The following NLRP14 variants were observed in gnomAD, a reference collection of about 807,000 sequenced individuals.
NLRP14 encodes NLR family pyrin domain containing 14, also known as NACHT, LRR and PYD domains-containing protein 14.
A neutral mutation model predicts 94.7 loss-of-function variants in NLRP14; 105 were observed. The ratio of observed to expected loss-of-function variants is 1.11; its 90% CI spans 0.95 to 1.30. The LOEUF (loss-of-function observed/expected upper bound fraction) is 1.30, where lower values mean the gene tolerates loss of function less well. NLRP14 is among the 50% of genes most tolerant of loss of function. NLRP14 has a pLI of 0.00. For synonymous variants in NLRP14, 508 were observed against 459.9 expected (o/e 1.10, Z -1.34); for missense variants, 1,362 against 1,254.1 (o/e 1.09, Z -1.30).
In NLRP14 at chr11:7,057,825, A is replaced by G; in HGVS notation, c.2440A>G (p.Lys814Glu). 1 of 1,612,400 alleles carries G rather than the reference A, an allele frequency of 6.2e-7. No individual in the cohort carries two copies. Among genetic ancestry groups the G allele is most frequent in the Non-Finnish European group, 8.5e-7 (1 of 1,178,596 alleles). ...QLLCEALRHP[K>E]CYLERLSLES... is the part of the protein sequence containing the mutation. ...TTTGTGTGAGGCCTTAAGACATCCA[A>G]AGTGTTATCTAGAGAGACTGTCGTG... Residue 814 changes from lysine to glutamate, a missense_variant, in exon 7 of 12, where the codon AAG (lysine) becomes GAG (glutamate). Physicochemically the swap from Lys to Glu is moderately conservative, Grantham distance 56. Transcript: ENST00000299481.
Position 7,043,186 on chromosome 11 carries a change from G to A in NLRP14, c.1160G>A (p.Gly387Asp). 2 of 1,614,154 alleles carry A rather than the reference G, an allele frequency of 1.2e-6. No homozygotes were observed. Among genetic ancestry groups the A allele is most frequent in the Non-Finnish European group, 1.7e-6 (2 of 1,180,040 alleles). Residue 387 changes from glycine to aspartate, a missense_variant, in exon 4 of 12, where the codon GGT (glycine) becomes GAT (aspartate). Physicochemically the swap from Gly to Asp is moderately conservative, Grantham distance 94. Transcript: ENST00000299481. ...CTGAAGCAGCAAATGGAGAAGGGTG[G>A]TGATGTCACATTGACCTGCCAAACA... ...TCLKQQMEKG[G>D]DVTLTCQTTT...
the NLRP14 span, among the ~76,000 whole-genome samples, chr11:7,078,462 A>AAAAAAAAAAAAAAAAG: frequency 1.9e-3 from 167 of 88,536 alleles, 31 homozygotes; most frequent in Non-Finnish European, 2.6e-3. Context: ...AAAAAAAAAA[A>AAAAAAAAAAAAAAAAG]CAAAAAAATT....
chr11:7,072,952 AG>A (rs1168748578), downstream of NLRP14, among the ~76,000 whole-genome samples: 1 of 152,120 alleles, frequency 6.6e-6, no homozygotes, highest in Non-Finnish European at 1.5e-5. Flanking sequence ...ATTATCTCAG[AG>A]GAAAAGGTTT....
Position 7,049,744 on chromosome 11 carries a change from C to G in NLRP14, c.2197C>G (p.His733Asp), listed in dbSNP as rs1405321186. 10 of 1,607,058 alleles carry G rather than the reference C, an allele frequency of 6.2e-6. No individual in the cohort carries two copies. Among genetic ancestry groups the G allele is most frequent in the Middle Eastern group, 1.7e-4 (1 of 6,046 alleles). The change falls in exon 6 of 12, where the codon CAT becomes GAT. Residue 733 changes from histidine (H) to aspartate (D), a missense_variant. Physicochemically the swap from His to Asp is moderately conservative, Grantham distance 81. Transcript: ENST00000299481. ...TTTGATTCATAACAAGAATCTGATG[C>G]ATCTTGACCTAAAAGGGAGTGATAT... is the stretch of plus-strand genomic sequence containing the variant. The part of the protein sequence containing the change: ...TSLIHNKNLM[H>D]LDLKGSDIGD...
downstream of NLRP14, among the ~76,000 whole-genome samples, chr11:7,072,259 G>A (rs1210055149): frequency 6.6e-6 from 1 of 152,224 alleles, no homozygotes; most frequent in African/African-American, 2.4e-5. Flanking sequence ...GGAGGCCCCA[G>A]ATAACTTGGA....
At chr11:7,030,201 C>G (rs1383793347) in intron 1 of NLRP14, among the ~76,000 whole-genome samples, 1 of 152,222 alleles carries the variant, frequency 6.6e-6, no homozygotes, top group African/African-American at 2.4e-5. Context: ...GCTACTGGAT[C>G]TATTAGCTTC....
chr11:7,037,004 G>C (rs1852171330), intron 1 of NLRP14, among the ~76,000 whole-genome samples: 1 of 152,170 alleles, frequency 6.6e-6, no homozygotes, highest in Non-Finnish European at 1.5e-5. Flanking sequence ...GAAAAGGGAA[G>C]AGAGCGCCCC....
chr11:7,080,545 C>T, the NLRP14 span, among the ~76,000 whole-genome samples: 1 of 152,160 alleles, frequency 6.6e-6, no homozygotes, highest in Non-Finnish European at 1.5e-5. Flanking sequence ...ATCACAAATG[C>T]CACCTGGAGT....
At chr11:7,089,006 C>G in the NLRP14 span, 278,472 of 1,259,694 alleles carry the variant, frequency 0.22, 33,584 homozygotes, top group African/African-American at 0.27. Flanking sequence ...GTGGACTCGG[C>G]GACTAGGCGC....
In NLRP14 at chr11:7,042,596, A is replaced by G; in HGVS notation, c.570A>G (p.Thr190=). 1 of 1,614,240 alleles carries G rather than the reference A, an allele frequency of 6.2e-7. No homozygotes were observed. Among genetic ancestry groups the G allele is most frequent in the Non-Finnish European group, 8.5e-7 (1 of 1,180,046 alleles). The change falls in exon 4 of 12, where the codon ACA becomes ACG. Residue 190 remains threonine, a synonymous_variant. Transcript: ENST00000299481. ...VLQGAAGVGK[T]TLVRKAMLDW... is the part of the protein sequence containing the mutation. ...AGGGAGCTGCTGGAGTTGGGAAAAC[A>G]ACCTTGGTGAGAAAGGCAATGTTAG...
At chr11:7,084,188 A>C in the NLRP14 span, among the ~76,000 whole-genome samples, 1 of 152,246 alleles carries the variant, frequency 6.6e-6, no homozygotes, top group Non-Finnish European at 1.5e-5. Context: ...TCCATAGTAT[A>C]GAATTTGGCA....
chr11:7,029,730 A>G (rs1852065435), intron 1 of NLRP14, among the ~76,000 whole-genome samples: 1 of 152,250 alleles, frequency 6.6e-6, no homozygotes. Context: ...TGAATGTAAT[A>G]TTCAGCACAT....
At chr11:7,070,256 A>C in intron 10 of NLRP14, 30 bp from the exon 11 acceptor site, 1 of 1,557,006 alleles carries the variant, frequency 6.4e-7, no homozygotes, top group Non-Finnish European at 8.8e-7. Flanking sequence ...GAATAAATTC[A>C]TTTTTATCTT....
chr11:7,043,605 C>A lies in NLRP14; in HGVS notation c.1579C>A (p.Gln527Lys), dbSNP rs750171833. 14 of 1,614,038 alleles carry A rather than the reference C, an allele frequency of 8.7e-6. No homozygotes were observed. The South Asian group carries it at 1.4e-4, about 16-fold the overall frequency. The change falls in exon 4 of 12, where the codon CAG (glutamine) becomes AAG (lysine). Residue 527 changes from glutamine to lysine, a missense_variant. Transcript: ENST00000299481. ...STSYKDPHLT[Q>K]MKCFLFGLLN... ...AAGTTATAAAGACCCCCATTTGACA[C>A]AGATGAAGTGCTTTTTGTTTGGCCT...
intron 10 of NLRP14, among the ~76,000 whole-genome samples, chr11:7,066,942 C>T (rs1445548517): frequency 6.6e-6 from 1 of 152,088 alleles, no homozygotes. Flanking sequence ...TTCCCAACAC[C>T]ATTTATTAAA....
chr11:7,042,552 C>T lies in NLRP14; in HGVS notation c.526C>T (p.Pro176Ser), dbSNP rs747244255. The change falls in exon 4 of 12, where the codon CCA (proline) becomes TCA (serine). Residue 176 changes from proline to serine, a missense_variant. Pro to Ser is a moderately conservative substitution (Grantham distance 74). Coordinates refer to ENST00000299481, the MANE Select transcript of NLRP14 (RefSeq NM_176822.4). ...TGTGGATGTCAAAACCGGTGCACAG[C>T]CACAGATCGTGGTGCTTCAGGGAGC... The part of the protein sequence containing the change: ...FDVDVKTGAQ[P>S]QIVVLQGAAG... The T allele has an allele frequency of 1.2e-6, 2 of 1,614,174 alleles. No individual in the cohort carries two copies. Among genetic ancestry groups the T allele is most frequent in the Non-Finnish European group, 1.7e-6 (2 of 1,179,990 alleles).
intron 3 of NLRP14, among the ~76,000 whole-genome samples, chr11:7,041,989 G>T (rs1852258947): frequency 1.3e-5 from 2 of 148,414 alleles, no homozygotes; most frequent in East Asian, 2.0e-4. Flanking sequence ...TGTCTTGGGG[G>T]TCTTCCCTAT....
chr11:7,042,071 C>T lies in NLRP14; in HGVS notation c.362-317C>T, dbSNP rs145069743. Among the ~76,000 whole-genome samples, 1,167 of 150,086 alleles carry T rather than the reference C, an allele frequency of 7.8e-3. 14 individuals are homozygous for T. The highest frequency in any genetic ancestry group is 0.027 in the African/African-American group (1,124 of 40,966). On this transcript the variant is annotated intron_variant, in intron 3 of 11. Transcript: ENST00000299481. Reference sequence around the variant, plus strand: ...CATCTCTGTTCTCCACATCTATTATCTTTTTTCTATGTAGAAGGAAAAGTA... The same window carrying T: ...CATCTCTGTTCTCCACATCTATTATTTTTTTTCTATGTAGAAGGAAAAGTA...
intron 1 of NLRP14, among the ~76,000 whole-genome samples, chr11:7,031,606 G>T (rs756857673): frequency 6.6e-6 from 1 of 152,248 alleles, no homozygotes; most frequent in Admixed American, 6.5e-5. Flanking sequence ...GGATTAAAGC[G>T]GTATGAATAG....
Sources: gnomAD v4.1 joint callset for allele counts (sites outside exome capture counted in the v4.1 genomes callset) on GRCh38, gnomAD v4.1.1 for gene constraint, MANE v1.5 for transcripts, NCBI Gene and HGNC (gene_info 2026-07-23, HGNC 2026-07-21) for gene names.